Variants in MUC22 observed in about 807,000 individuals in gnomAD.
MUC22 encodes mucin-22.
MUC22 carries 24 observed loss-of-function variants against 40.3 expected under a neutral mutation model. That is an observed-to-expected ratio of 0.60 (90% CI 0.43 to 0.84). The LOEUF (loss-of-function observed/expected upper bound fraction) is 0.84, where lower values mean the gene tolerates loss of function less well. Ranked by LOEUF, MUC22 falls within the 40% of genes least tolerant of loss-of-function variation. MUC22 has a pLI of 0.00. For synonymous variants in MUC22, 765 were observed against 844.5 expected, an observed-to-expected ratio of 0.91 and a Z score of 1.63; for missense variants, 1,926 against 2,130.7, an observed-to-expected ratio of 0.90 and a Z score of 1.89.
At chr6:31,034,397 C>T (rs749597844) in intron 3 of MUC22, among the ~76,000 whole-genome samples, 1 of 152,180 alleles carries the variant, frequency 6.6e-6, no homozygotes, top group Non-Finnish European at 1.5e-5. Context: ...AAACACATAA[C>T]CTTATGATCT....
chr6:31,018,836 CT>C (rs1174942806), intron 1 of MUC22, among the ~76,000 whole-genome samples: 1 of 152,234 alleles, frequency 6.6e-6, no homozygotes, highest in Non-Finnish European at 1.5e-5. Context: ...CCTTGATTCA[CT>C]TTTTAGAGTT....
intron 3 of MUC22, among the ~76,000 whole-genome samples, chr6:31,034,309 A>G (rs1331761583): frequency 6.6e-6 from 1 of 152,258 alleles, no homozygotes; most frequent in Non-Finnish European, 1.5e-5. Context: ...TGACTAACAA[A>G]GAGAAAGACT....
At chr6:31,018,782 G>C (rs959889255) in intron 1 of MUC22, among the ~76,000 whole-genome samples, 6 of 152,228 alleles carry the variant, frequency 3.9e-5, no homozygotes, top group African/African-American at 1.4e-4. Flanking sequence ...AATCAATTCA[G>C]TTAACTGCCA....
At chr6:31,027,465 C>T (rs1305339286) in exon 2 of MUC22, 1 of 1,529,586 alleles carries the variant, frequency 6.5e-7, no homozygotes, top group Admixed American at 2.0e-5. Flanking sequence ...TGACTGCAGT[C>T]TCCACCACAG....
At chr6:31,026,262 C>G (rs2150784292) in exon 2 of MUC22, 3 of 1,338,552 alleles carry the variant, frequency 2.2e-6, no homozygotes, top group Non-Finnish European at 1.0e-6. Flanking sequence ...GCTCTGAGAC[C>G]ACTACAATCC....
exon 2 of MUC22, chr6:31,029,861 C>T (rs905842976): frequency 6.5e-7 from 1 of 1,533,550 alleles, no homozygotes; most frequent in Non-Finnish European, 8.7e-7. Flanking sequence ...GAGACCTCCA[C>T]ACCCTCCAGT....
intron 1 of MUC22, among the ~76,000 whole-genome samples, chr6:31,023,005 C>T (rs1238435647): frequency 6.6e-6 from 1 of 152,048 alleles, no homozygotes; most frequent in African/African-American, 2.4e-5. Flanking sequence ...TGGCGCATGC[C>T]TGTGGTTCCA....
chr6:31,017,103 C>G (rs1250509965), intron 1 of MUC22, among the ~76,000 whole-genome samples: 1 of 152,372 alleles, frequency 6.6e-6, no homozygotes, highest in African/African-American at 2.4e-5. Context: ...GGCTCCTGTG[C>G]AGCCAGAACC....
intron 2 of MUC22, among the ~76,000 whole-genome samples, chr6:31,030,937 CAG>C (rs79118506): frequency 0.011 from 1,734 of 152,306 alleles, 32 homozygotes; most frequent in East Asian, 0.066. Context: ...GTATTTGCAA[CAG>C]AGACAGCCTG....
chr6:31,021,344 A>G (rs1764723029), intron 1 of MUC22, among the ~76,000 whole-genome samples: 1 of 151,596 alleles, frequency 6.6e-6, no homozygotes, highest in Admixed American at 6.6e-5. Context: ...TGTCTAGCTC[A>G]GGGATTGTAA....
exon 2 of MUC22, chr6:31,028,575 C>A: frequency 6.5e-7 from 1 of 1,531,838 alleles, no homozygotes; most frequent in South Asian, 1.2e-5. Context: ...CCAAGGTCTC[C>A]ACTGCAAGCT....
intron 1 of MUC22, among the ~76,000 whole-genome samples, chr6:31,016,728 G>A (rs1007358145): frequency 2.6e-5 from 4 of 152,270 alleles, no homozygotes; most frequent in African/African-American, 7.2e-5. Context: ...GCTGCACTGT[G>A]GGAGACCCTC....
At chr6:31,006,887 G>A (rs1376715971), upstream of MUC22, among the ~76,000 whole-genome samples, 1 of 152,088 alleles carries the variant, frequency 6.6e-6, no homozygotes, top group African/African-American at 2.4e-5. Flanking sequence ...AGTGGCTCAC[G>A]TCTGTAATCC....
exon 1 of MUC22, chr6:31,010,673 T>G: frequency 1.4e-6 from 1 of 702,492 alleles, no homozygotes; most frequent in East Asian, 2.7e-5. Context: ...AACCCAGGCA[T>G]CTAAATGACA....
upstream of MUC22, among the ~76,000 whole-genome samples, chr6:31,010,061 C>T (rs1763759167): frequency 6.6e-6 from 1 of 152,184 alleles, no homozygotes; most frequent in African/African-American, 2.4e-5. Flanking sequence ...GCTCTTATCA[C>T]CCTCCAAATC....
chr6:31,013,564 G>A lies in MUC22; in HGVS notation c.70+2788G>A, dbSNP rs111847395. Reference sequence around the variant, plus strand: ...AAAAGAAATACTTGTAGTCCTACAAGGCTTCTCATAAAACTTCAGCCCCTG... The same window carrying A: ...AAAAGAAATACTTGTAGTCCTACAAAGCTTCTCATAAAACTTCAGCCCCTG... On this transcript the variant is annotated intron_variant, in intron 1 of 3. Coordinates refer to ENST00000561890, the Ensembl canonical transcript of MUC22. Among the ~76,000 whole-genome samples the A allele has an allele frequency of 7.7e-3, 1,166 of 152,274 alleles. 13 individuals carry two copies. Among genetic ancestry groups the A allele is most frequent in the African/African-American group, 0.026 (1,083 of 41,528 alleles).
In MUC22 at chr6:31,026,186, G is replaced by T; in HGVS notation, c.755G>T (p.Ser252Ile). ...GACTCCAAGGTGATCACGGCATCCA[G>T]CATGAGCTCTGAGACCACTGTGGCC... Residue 252 changes from serine to isoleucine, a missense_variant, in exon 2 of 4, where the codon AGC becomes ATC. Transcript: ENST00000561890. 2 of 1,520,734 alleles carry T rather than the reference G, an allele frequency of 1.3e-6. 1 individual carries two copies. Among genetic ancestry groups the T allele is most frequent in the South Asian group, 2.4e-5 (2 of 83,452 alleles). The allele number at this position is 1,520,734 out of a possible 1,614,324, so 94.2% of individuals were successfully genotyped here.
chr6:31,027,863 A>C, exon 2 of MUC22: 1 of 1,531,528 alleles, frequency 6.5e-7, no homozygotes, highest in Non-Finnish European at 8.7e-7. Flanking sequence ...ACTTCCACTG[A>C]AGGCTCTGAG....
Position 31,032,593 on chromosome 6 carries a change from G to A in MUC22, c.5055+12G>A, listed in dbSNP as rs1385606007. On this transcript the variant is annotated intron_variant, in intron 3 of 3. Coordinates refer to ENST00000561890, the Ensembl canonical transcript of MUC22. This position sits in a 1 kb window ranked among gnomAD's most constrained non-coding sequence, Gnocchi z 4.1. ...TGAGTTTTTGTCTGGTGAGTACCCA[G>A]GGTGGGTTCATAGGGGAGCCTGGCA... 1 of 1,527,046 alleles carries A rather than the reference G, an allele frequency of 6.5e-7. No homozygotes were observed. 94.6% of individuals were successfully genotyped at this position (1,527,046 alleles called of 1,614,324 possible).
Sources: allele counts gnomAD v4.1 joint callset (sites outside exome capture counted in the v4.1 genomes callset), GRCh38; gene constraint gnomAD v4.1.1; non-coding constraint Gnocchi (gnomAD v3.1); transcripts MANE v1.5; gene names NCBI Gene and HGNC (gene_info 2026-07-23, HGNC 2026-07-21).